COL28A1: variants seen among roughly 807,000 people sequenced by gnomAD.
COL28A1 encodes collagen alpha-1(XXVIII) chain.
A neutral mutation model predicts 150.2 loss-of-function variants in COL28A1; 161 were observed. The observed-to-expected ratio is 1.07, with a 90% CI of 0.94 to 1.22. The LOEUF is 1.22. Among genes scored for constraint, COL28A1 ranks in the 50% most tolerant of loss-of-function variants. The pLI is 0.00. For missense variants in COL28A1, 1,617 were observed against 1,388.3 expected (o/e 1.16, Z -2.62); for synonymous variants, 552 against 469.7 (o/e 1.18, Z -2.26).
intron 21 of COL28A1, 36 bp downstream of exon 21, chr7:7,440,754 C>A: frequency 1.1e-6 from 1 of 874,494 alleles, no homozygotes; most frequent in Non-Finnish European, 1.9e-6. Flanking sequence ...ACAATACAAA[C>A]TCCTCAAAGC....
intron 6 of COL28A1, 107 bp from the exon 7 acceptor site, chr7:7,517,944 A>G: frequency 7.0e-7 from 1 of 1,435,562 alleles, no homozygotes; most frequent in Non-Finnish European, 9.6e-7. Flanking sequence ...ATTAGGAAAC[A>G]TCTTTAGTCT....
intron 3 of COL28A1, among the ~76,000 whole-genome samples, chr7:7,525,194 G>A (rs1017662728): frequency 2.0e-5 from 3 of 152,184 alleles, no homozygotes. Flanking sequence ...ACCATAATGT[G>A]ACTCAACTGA....
rs977432 is a variant in COL28A1, at chr7:7,358,212, C to T, written c.*421G>A. 0.92 allele frequency: 140,832 copies of T among 153,234 alleles called. 64,911 individuals carry two copies. The highest frequency in any genetic ancestry group is 1 in the East Asian group (5,184 of 5,190). The allele number at this position is 153,234 out of a possible 1,614,324, so 9.5% of individuals were successfully genotyped here. On this transcript the variant is annotated 3_prime_UTR_variant, in exon 35 of 35. Transcript: ENST00000399429. ...TCCTATCACCTACATCTTGCTACTG[C>T]GAGGGACATAAGGAGGTTAGGGAGG... is the stretch of plus-strand genomic sequence containing the variant.
chr7:7,445,918 G>A (rs28492072), intron 18 of COL28A1, among the ~76,000 whole-genome samples: 7,693 of 151,416 alleles, frequency 0.051, 689 homozygotes, highest in African/African-American at 0.18. Context: ...TTGTTCAGTG[G>A]TATGATCTCA....
At chr7:7,377,581 T>G (rs1227252995) in intron 30 of COL28A1, among the ~76,000 whole-genome samples, 1 of 152,110 alleles carries the variant, frequency 6.6e-6, no homozygotes, top group Non-Finnish European at 1.5e-5. Flanking sequence ...ATTACAGTAC[T>G]CGAGTAAACT....
intron 18 of COL28A1, 86 bp downstream of exon 18, chr7:7,452,233 G>A: frequency 6.5e-7 from 1 of 1,544,790 alleles, no homozygotes; most frequent in Non-Finnish European, 8.6e-7. Context: ...AACACACACA[G>A]AGTCTGTAAG....
chr7:7,359,580 G>A (rs1780530081), intron 34 of COL28A1, among the ~76,000 whole-genome samples: 1 of 152,150 alleles, frequency 6.6e-6, no homozygotes. Flanking sequence ...TGATGCCAAG[G>A]TGGGAGAAGC....
At chr7:7,428,364 C>T (rs577528519) in intron 25 of COL28A1, among the ~76,000 whole-genome samples, 12 of 152,254 alleles carry the variant, frequency 7.9e-5, no homozygotes, top group South Asian at 6.2e-4. Flanking sequence ...AGCTAAGAGA[C>T]GGGCACGGTA....
intron 15 of COL28A1, among the ~76,000 whole-genome samples, chr7:7,458,782 T>C (rs112059489): frequency 2.5e-3 from 382 of 152,342 alleles, no homozygotes; most frequent in African/African-American, 8.0e-3. Flanking sequence ...CACGCAACTG[T>C]TAGACGGCAG....
At chr7:7,502,345 C>T (rs940191889) in intron 11 of COL28A1, among the ~76,000 whole-genome samples, 1 of 152,218 alleles carries the variant, frequency 6.6e-6, no homozygotes, top group Admixed American at 6.5e-5. Context: ...AGCTACTTTA[C>T]ATGTGGAAAG....
chr7:7,417,800 C>T (rs1292336975), intron 27 of COL28A1, 59 bp downstream of exon 27: 1 of 1,454,280 alleles, frequency 6.9e-7, no homozygotes, highest in Admixed American at 1.7e-5. Flanking sequence ...TCTACAACCT[C>T]TTCTCCCAAT....
Position 7,373,086 on chromosome 7 carries a change from G to C in COL28A1, c.2820C>G (p.Pro940=). ...TTTCTTTGTGGAATATTTCAAAGTT[G>C]GGATCATTTTTCTTCACCACCCCTA... ...FVIGVVKKND[P]NFEIFHKEMN... Residue 940 remains proline (P), a synonymous_variant, in exon 32 of 35, where the codon CCC becomes CCG. Coordinates refer to ENST00000399429, the MANE Select transcript of COL28A1 (RefSeq NM_001037763.3). The surrounding 1 kb of genome is among the most constrained non-coding windows in gnomAD (Gnocchi z 4.1). 2 of 1,614,128 alleles carry C rather than the reference G, an allele frequency of 1.2e-6. No homozygotes were observed. Among genetic ancestry groups the C allele is most frequent in the South Asian group, 1.1e-5 (1 of 91,066 alleles).
chr7:7,495,216 A>AT lies in COL28A1; in HGVS notation c.1027-4571dup, dbSNP rs562141190. On this transcript the variant is annotated intron_variant, in intron 11 of 34. Coordinates refer to ENST00000399429, the MANE Select transcript of COL28A1 (RefSeq NM_001037763.3). ...ATCAACACTTTTTAAAGTATTAATT[A>AT]TTTTTTTACCATCTTTTAATGCTAA... 2.9e-4 allele frequency among the ~76,000 whole-genome samples: 44 copies of AT among 149,974 alleles called. 1 individual carries two copies. In the South Asian group the frequency reaches 8.1e-3, roughly 28 times the overall value.
chr7:7,529,446 T>C lies in COL28A1; in HGVS notation c.681+1902A>G, dbSNP rs141049655. ...CTCCTTCTAAAAAGTGGTTTATTCATGGAGCTTCCATCTGAACAAACAAGC... is the reference window on the plus strand; with the variant it reads ...CTCCTTCTAAAAAGTGGTTTATTCACGGAGCTTCCATCTGAACAAACAAGC... On this transcript the variant is annotated intron_variant, in intron 3 of 34. Coordinates refer to ENST00000399429, the MANE Select transcript of COL28A1 (RefSeq NM_001037763.3). 1.6e-4 allele frequency among the ~76,000 whole-genome samples: 24 copies of C among 152,316 alleles called. No individual in the cohort carries two copies. In the East Asian group the frequency reaches 3.7e-3, roughly 23 times the overall value.
At chr7:7,420,025 T>C (rs1383150208) in intron 25 of COL28A1, 72 bp from the exon 26 acceptor site, 1 of 1,011,038 alleles carries the variant, frequency 9.9e-7, no homozygotes, top group Non-Finnish European at 1.4e-6. Flanking sequence ...ATATATATTT[T>C]AATATCAAAA....
chr7:7,410,615 A>G (rs1783728439), intron 27 of COL28A1, among the ~76,000 whole-genome samples: 1 of 150,260 alleles, frequency 6.7e-6, no homozygotes, highest in African/African-American at 2.5e-5. Flanking sequence ...CAGTGATTTT[A>G]CTACTACCAA....
chr7:7,353,141 C>G (rs564064843), downstream of COL28A1, among the ~76,000 whole-genome samples: 5 of 152,302 alleles, frequency 3.3e-5, no homozygotes, highest in South Asian at 6.2e-4. Flanking sequence ...CCTGGCCTCC[C>G]ACAAACAAGG....
In COL28A1 at chr7:7,420,003, G is replaced by A. The variant is rs1056629832; in HGVS notation, c.1999-50C>T. 5 of 1,006,366 alleles carry A rather than the reference G, an allele frequency of 5.0e-6. No homozygotes were observed. The Admixed American group carries it at 1.0e-4, about 20-fold the overall frequency. The allele number at this position is 1,006,366 out of a possible 1,614,324, so 62.3% of individuals were successfully genotyped here. A position where few individuals can be genotyped will look rare whatever the true frequency, so the allele number is the denominator to read the frequency against. On this transcript the variant is annotated intron_variant, in intron 25 of 34. Coordinates refer to ENST00000399429, the MANE Select transcript of COL28A1 (RefSeq NM_001037763.3). ...GTTACTAATTTTTTAAAGACTTTAT[G>A]TTTTTTTCAATATATATATTTTAAT... is the stretch of plus-strand genomic sequence containing the variant.
intron 33 of COL28A1, among the ~76,000 whole-genome samples, chr7:7,362,317 G>A (rs116307478): frequency 2.2e-3 from 335 of 151,518 alleles, no homozygotes; most frequent in African/African-American, 7.7e-3. Flanking sequence ...CCTGAGTCCT[G>A]ACACTTGGTT....
Sources: allele counts gnomAD v4.1 joint callset (sites outside exome capture counted in the v4.1 genomes callset), GRCh38; gene constraint gnomAD v4.1.1; non-coding constraint Gnocchi (gnomAD v3.1); transcripts MANE v1.5; gene names NCBI Gene and HGNC (gene_info 2026-07-23, HGNC 2026-07-21).